BEST1: variants seen among roughly 807,000 people sequenced by gnomAD.
The protein encoded by BEST1 is bestrophin-1.
A neutral mutation model predicts 63.3 loss-of-function variants in BEST1; 58 were observed. The observed-to-expected ratio is 0.92, with a 90% confidence interval of 0.74 to 1.14. The LOEUF is 1.14. Ranked by LOEUF, BEST1 falls within the 50% of genes most tolerant of loss-of-function variation. The pLI is 0.00. For synonymous variants in BEST1, 283 were observed against 291.6 expected (o/e 0.97, Z 0.30); for missense variants, 671 against 740.1 (o/e 0.91, Z 1.08).
chr11:61,959,416 T>TAGC, intron 7 of BEST1, 82 bp from the exon 8 acceptor site: 1 of 1,358,686 alleles, frequency 7.4e-7, no homozygotes. Context: ...GGTGTGGAAA[T>TAGC]AGCAGCAGCT....
intron 6 of BEST1, 63 bp from the exon 7 acceptor site, chr11:61,958,083 G>A: frequency 1.9e-6 from 3 of 1,610,756 alleles, no homozygotes. Context: ...CCAGCCCCTG[G>A]AGCATCCTGA....
intron 7 of BEST1, chr11:61,959,219 G>C: frequency 1.9e-6 from 1 of 519,390 alleles, no homozygotes; most frequent in South Asian, 2.0e-5. Flanking sequence ...AGATACATGA[G>C]GTGAGATAAA....
chr11:61,958,456 A>G, intron 7 of BEST1, 158 bp downstream of exon 7: 3 of 1,534,524 alleles, frequency 2.0e-6, no homozygotes, highest in Non-Finnish European at 2.6e-6. Context: ...GCTACTCGGG[A>G]GGCTGAGGCA....
chr11:61,955,687 T>A (rs2134429401), intron 3 of BEST1, 31 bp from the exon 4 acceptor site: 2,187 of 965,502 alleles, frequency 2.3e-3, no homozygotes, highest in Non-Finnish European at 3.2e-3. Flanking sequence ...GCCTGGCCCC[T>A]CGCCCCTCGC....
At chr11:61,959,427 G>A in intron 7 of BEST1, 71 bp from the exon 8 acceptor site, 1 of 1,451,166 alleles carries the variant, frequency 6.9e-7, no homozygotes, top group Non-Finnish European at 9.7e-7. Flanking sequence ...AGCAGCAGCT[G>A]AGGTTTAAAG....
At chr11:61,963,760 G>A in intron 10 of BEST1, 1 of 1,194,574 alleles carries the variant, frequency 8.4e-7, no homozygotes, top group South Asian at 1.8e-5. Flanking sequence ...CTTGTCTTGG[G>A]CTGGGTGTGG....
Position 61,962,432 on chromosome 11 carries a change from C to T in BEST1, c.1278C>T (p.Pro426=), listed in dbSNP as rs768530251. 1.2e-6 allele frequency: 2 copies of T among 1,614,128 alleles called. No homozygotes were observed. Among genetic ancestry groups the T allele is most frequent in the South Asian group, 2.2e-5 (2 of 91,080 alleles). Residue 426 remains proline (P), a synonymous_variant, in exon 10 of 11, where the codon CCC becomes CCT. Transcript: ENST00000378043. ...KRESLLHEGL[P]KNHKAAKQNV... The stretch of plus-strand genomic sequence containing the variant: ...AATCCCTTCTCCACGAGGGCCTGCC[C>T]AAAAACCACAAGGCAGCCAAACAGA...
At chr11:61,956,044 C>G in intron 4 of BEST1, 93 bp downstream of exon 4, 1 of 1,277,068 alleles carries the variant, frequency 7.8e-7, no homozygotes, top group East Asian at 2.5e-5. Context: ...GCCAAAGTCC[C>G]CCGGACTCGG....
rs138932379 is a variant in BEST1 at position 61,957,387 on chromosome 11, G to A, written c.637G>A (p.Glu213Lys). ...CCCATCCCCCTCTTCTGCCCCCCAG[G>A]AGATGAACACCTTGCGTACTCAGTG... Reference protein sequence around the residue: ...DPILLQSLLNEMNTLRTQCGH... With the variant: ...DPILLQSLLNKMNTLRTQCGH... The change falls in exon 6 of 11, where the codon GAG becomes AAG. Residue 213 changes from glutamate to lysine, a missense_variant and splice_region_variant. Transcript: ENST00000378043. The A allele has an allele frequency of 3.1e-6, 5 of 1,613,916 alleles. No individual in the cohort carries two copies. The African/African-American group carries it at 4.0e-5, about 13-fold the overall frequency.
In BEST1 at chr11:61,962,696, A is replaced by G. The variant is rs1431152069; in HGVS notation, c.1542A>G (p.Glu514=). ...TVSSGAKKSF[E]LLSESDGALM... ...GTTCTGGGGCCAAGAAAAGTTTTGAATTGCTCTCAGAGAGCGATGGGGCCT... is the reference window on the plus strand; with the variant it reads ...GTTCTGGGGCCAAGAAAAGTTTTGAGTTGCTCTCAGAGAGCGATGGGGCCT... The change falls in exon 10 of 11, where the codon GAA becomes GAG. Residue 514 remains glutamate, a synonymous_variant. Transcript: ENST00000378043. The G allele has an allele frequency of 6.2e-7, 1 of 1,614,124 alleles. No homozygotes were observed. Among genetic ancestry groups the G allele is most frequent in the Non-Finnish European group, 8.5e-7 (1 of 1,180,048 alleles).
intron 6 of BEST1, among the ~76,000 whole-genome samples, chr11:61,957,845 A>T (rs1941549898): frequency 6.6e-6 from 1 of 152,068 alleles, no homozygotes; most frequent in African/African-American, 2.4e-5. Flanking sequence ...GTGGTGGTGC[A>T]CGCCTGTAAT....
intron 2 of BEST1, among the ~76,000 whole-genome samples, chr11:61,953,191 T>C (rs973380528): frequency 1.3e-5 from 2 of 152,222 alleles, no homozygotes; most frequent in Non-Finnish European, 2.9e-5. Flanking sequence ...ATTACATGGA[T>C]TGTAAAATAT....
downstream of BEST1, chr11:61,964,728 T>C (rs745605499): frequency 5.6e-6 from 9 of 1,598,206 alleles, no homozygotes; most frequent in Non-Finnish European, 7.6e-6. Flanking sequence ...GCCCGAGGCT[T>C]AGCTTTCATT....
intron 3 of BEST1, 26 bp downstream of exon 3, chr11:61,955,227 G>A (rs756905848): frequency 3.7e-6 from 6 of 1,614,084 alleles, no homozygotes; most frequent in African/African-American, 1.3e-5. Context: ...TGGCTGTTCC[G>A]GGTCCCTGTG....
At chr11:61,960,264 T>G (rs556177409) in intron 9 of BEST1, 2 of 665,892 alleles carry the variant, frequency 3.0e-6, no homozygotes, top group East Asian at 5.5e-5. Context: ...AGAGAGTAAG[T>G]TGTCCAAGGC....
At position 61,959,532 on chromosome 11, in the gene BEST1, A is replaced by G. The variant is rs2134453358; in HGVS notation, c.902A>G (p.Asp301Gly). The change falls in exon 8 of 11, where the codon GAT becomes GGT. Residue 301 changes from aspartate to glycine, a missense_variant. Coordinates refer to ENST00000378043, the MANE Select transcript of BEST1 (RefSeq NM_004183.4). ...CAGCTCATCAACCCCTTTGGAGAGG[A>G]TGATGATGATTTTGAGACCAACTGG... ...AEQLINPFGE[D>G]DDDFETNWIV... is the part of the protein sequence containing the mutation. 3 of 1,614,120 alleles carry G rather than the reference A, an allele frequency of 1.9e-6. No homozygotes were observed. The highest frequency in any genetic ancestry group is 2.5e-6 in the Non-Finnish European group (3 of 1,180,020).
intron 10 of BEST1, chr11:61,963,193 G>T: frequency 7.0e-7 from 1 of 1,431,318 alleles, no homozygotes. Flanking sequence ...CCCCAGGGCT[G>T]ACAGGCCAGG....
intron 9 of BEST1, chr11:61,961,647 A>G (rs1460955399): frequency 6.2e-6 from 1 of 160,610 alleles, no homozygotes; most frequent in Non-Finnish European, 1.4e-5. Flanking sequence ...GGGACAGAAC[A>G]TGGAACACAG....
At chr11:61,964,839 T>C (rs776989878), downstream of BEST1, 4 of 1,601,636 alleles carry the variant, frequency 2.5e-6, no homozygotes, top group Non-Finnish European at 3.4e-6. Context: ...ACCCAATTCT[T>C]TGATGGCTTT....
Sources: allele counts gnomAD v4.1 joint callset (sites outside exome capture counted in the v4.1 genomes callset), GRCh38; gene constraint gnomAD v4.1.1; transcripts MANE v1.5; gene names NCBI Gene and HGNC (gene_info 2026-07-23, HGNC 2026-07-21).